The following AIM2 variants were observed in gnomAD, a reference collection of about 807,000 sequenced individuals.
AIM2 encodes absent in melanoma 2.
AIM2 carries 30 observed loss-of-function variants against 27.7 expected under a neutral mutation model. The ratio of observed to expected loss-of-function variants is 1.08; its 90% CI spans 0.81 to 1.47. AIM2 has a LOEUF of 1.47. AIM2 is among the 40% of genes most tolerant of loss of function. The pLI, the probability that AIM2 is intolerant of heterozygous loss-of-function variation, is 0.00. For missense variants in AIM2, 358 were observed against 411.3 expected (o/e 0.87, Z 1.12); for synonymous variants, 141 against 145.3 (o/e 0.97, Z 0.21).
chr1:159,108,808 A>G (rs904987021), intron 1 of AIM2, among the ~76,000 whole-genome samples: 1 of 152,190 alleles, frequency 6.6e-6, no homozygotes, highest in Non-Finnish European at 1.5e-5. Flanking sequence ...GCAAAATAAA[A>G]TAAAATGCTT....
At chr1:159,129,476 GAC>G (rs1647811034) in intron 1 of AIM2, among the ~76,000 whole-genome samples, 1 of 152,126 alleles carries the variant, frequency 6.6e-6, no homozygotes, top group East Asian at 1.9e-4. Context: ...CCAACAATAG[GAC>G]ACTGTGGTTA....
upstream of AIM2, among the ~76,000 whole-genome samples, chr1:159,144,942 C>G (rs1648175794): frequency 6.6e-6 from 1 of 152,166 alleles, no homozygotes; most frequent in Non-Finnish European, 1.5e-5. Flanking sequence ...TCAGATAGCA[C>G]AGCCCTTACA....
chr1:159,096,078 A>T (rs1657175341), intron 1 of AIM2, among the ~76,000 whole-genome samples: 1 of 152,168 alleles, frequency 6.6e-6, no homozygotes, highest in African/African-American at 2.4e-5. Flanking sequence ...CTTTGGGATG[A>T]CTCCACTACC....
At chr1:159,089,959 G>C (rs1657009222) in intron 1 of AIM2, among the ~76,000 whole-genome samples, 3 of 152,166 alleles carry the variant, frequency 2.0e-5, no homozygotes, top group Admixed American at 2.0e-4. Flanking sequence ...CTGTGTTCCA[G>C]GACTGCCCTA....
chr1:159,128,707 T>C (rs911121705), intron 1 of AIM2, among the ~76,000 whole-genome samples: 4 of 152,178 alleles, frequency 2.6e-5, no homozygotes, highest in African/African-American at 9.7e-5. Context: ...GGGCTGCTAA[T>C]CATTGCTAGG....
Position 159,115,173 on chromosome 1 carries a change from G to A in AIM2, c.-16+25258C>T, listed in dbSNP as rs542596935. Among the ~76,000 whole-genome samples, 14 of 152,158 alleles carry A rather than the reference G, an allele frequency of 9.2e-5. No homozygotes were observed. In the East Asian group the frequency reaches 9.6e-4, roughly 10 times the overall value. On this transcript the variant is annotated intron_variant, in intron 1 of 2. Coordinates refer to the AIM2 transcript ENST00000368129. The stretch of plus-strand genomic sequence containing the variant: ...GGAGAACTACAAACCACTGCTCAAC[G>A]AAATAAAAGAGGATACAAACAAATG...
intron 1 of AIM2, among the ~76,000 whole-genome samples, chr1:159,112,684 T>C (rs998745509): frequency 2.4e-4 from 37 of 152,218 alleles, no homozygotes; most frequent in African/African-American, 8.2e-4. Flanking sequence ...CCCTAAACCG[T>C]AGGAATTTAA....
intron 5 of AIM2, 136 bp downstream of exon 5, chr1:159,063,343 CCTCAGTT>C (rs1323650632): frequency 4.2e-6 from 3 of 715,508 alleles, no homozygotes; most frequent in East Asian, 5.6e-5. Flanking sequence ...GAGGGAGGTT[CCTCAGTT>C]CTGTGAGATG....
At chr1:159,106,109 AG>A (rs1399105876) in intron 1 of AIM2, among the ~76,000 whole-genome samples, 1 of 152,176 alleles carries the variant, frequency 6.6e-6, no homozygotes, top group Non-Finnish European at 1.5e-5. Flanking sequence ...CCAGGGAGTG[AG>A]AGCAGGCACT....
intron 1 of AIM2, among the ~76,000 whole-genome samples, chr1:159,116,438 G>A (rs1647353084): frequency 6.6e-6 from 1 of 152,142 alleles, no homozygotes; most frequent in Non-Finnish European, 1.5e-5. Flanking sequence ...CAACCCAAAT[G>A]TCCAACAATG....
intron 1 of AIM2, among the ~76,000 whole-genome samples, chr1:159,096,086 A>C (rs73023734): frequency 0.01 from 1,582 of 152,306 alleles, 25 homozygotes; most frequent in African/African-American, 0.036. Context: ...TGACTCCACT[A>C]CCAGAGACAA....
chr1:159,094,642 G>A (rs1017867806), intron 1 of AIM2, among the ~76,000 whole-genome samples: 1 of 152,168 alleles, frequency 6.6e-6, no homozygotes, highest in Non-Finnish European at 1.5e-5. Context: ...AGGTTGCAGT[G>A]AGCCAAGATT....
chr1:159,072,721 A>C (rs538551245), intron 2 of AIM2, among the ~76,000 whole-genome samples: 1 of 152,332 alleles, frequency 6.6e-6, no homozygotes, highest in Non-Finnish European at 1.5e-5. Flanking sequence ...CTGAAGAAGG[A>C]GGAGATCATC....
upstream of AIM2, among the ~76,000 whole-genome samples, chr1:159,143,577 T>A (rs1282360559): frequency 8.5e-6 from 1 of 117,866 alleles, no homozygotes; most frequent in African/African-American, 3.3e-5. Flanking sequence ...CCAGGCTCAG[T>A]GTGTACACAC....
intron 1 of AIM2, among the ~76,000 whole-genome samples, chr1:159,109,230 A>C (rs1474878106): frequency 6.6e-6 from 1 of 152,206 alleles, no homozygotes; most frequent in Non-Finnish European, 1.5e-5. Flanking sequence ...AATGGAACAG[A>C]ATAGAGAACC....
chr1:159,058,151 C>T (rs1341010442), downstream of AIM2, among the ~76,000 whole-genome samples: 4 of 152,074 alleles, frequency 2.6e-5, no homozygotes, highest in African/African-American at 4.8e-5. Flanking sequence ...GTCAGGAGTT[C>T]GAGACCAGCC....
intron 1 of AIM2, among the ~76,000 whole-genome samples, chr1:159,088,451 CAT>C (rs1279630892): frequency 1.3e-5 from 2 of 152,182 alleles, no homozygotes; most frequent in African/African-American, 4.8e-5. Flanking sequence ...AATATCAAAA[CAT>C]ATGCCTCCAT....
intron 1 of AIM2, among the ~76,000 whole-genome samples, chr1:159,082,574 A>G (rs1314290915): frequency 1.3e-5 from 2 of 152,170 alleles, no homozygotes; most frequent in Admixed American, 1.3e-4. Flanking sequence ...GCAGGTGTGC[A>G]CCACCACACC....
At chr1:159,097,711 TA>T (rs1444771022) in intron 1 of AIM2, among the ~76,000 whole-genome samples, 1 of 152,182 alleles carries the variant, frequency 6.6e-6, no homozygotes, top group East Asian at 1.9e-4. Context: ...AGTACCTATT[TA>T]ATGAAGTTGT....
Sources: gnomAD v4.1 joint callset for allele counts (sites outside exome capture counted in the v4.1 genomes callset) on GRCh38, gnomAD v4.1.1 for gene constraint, MANE v1.5 for transcripts, NCBI Gene and HGNC (gene_info 2026-07-23, HGNC 2026-07-21) for gene names.